Variants in FRMPD4 observed in about 807,000 individuals in gnomAD.
FRMPD4 encodes FERM and PDZ domain-containing protein 4.
A neutral mutation model predicts 94.1 loss-of-function variants in FRMPD4; 22 were observed. That is an observed-to-expected ratio of 0.23 (90% CI 0.17 to 0.33). The LOEUF (loss-of-function observed/expected upper bound fraction) is 0.33. Ranked by LOEUF, FRMPD4 falls within the 10% of genes least tolerant of loss-of-function variation. The pLI, the probability that FRMPD4 is intolerant of heterozygous loss-of-function variation, is 1.00. For synonymous variants in FRMPD4, 631 were observed against 548.6 expected, an observed-to-expected ratio of 1.15 and a Z score of -2.10; for missense variants, 1,111 against 1,339.9, an observed-to-expected ratio of 0.83 and a Z score of 2.67.
chrX:12,494,523 T>C (rs1280206808), intron 1 of FRMPD4, among the ~76,000 whole-genome samples: 3 of 111,656 alleles, frequency 2.7e-5, no homozygotes, highest in Non-Finnish European at 5.6e-5. Flanking sequence ...TGACCTCACA[T>C]TCCTTCTCCC....
rs142414620 is a variant in FRMPD4 at position 12,486,630 on chromosome X, G to A, written c.42-12050G>A. ...TGCTCTTTGTAAATAAATGTCTTCC[G>A]TACTGTGGAAATCATTATTCCATGA... On this transcript the variant is annotated intron_variant, in intron 1 of 16. Transcript: ENST00000675598. Among the ~76,000 whole-genome samples, 442 of 112,460 alleles carry A rather than the reference G, an allele frequency of 3.9e-3. 1 individual carries two copies. Among genetic ancestry groups the A allele is most frequent in the Non-Finnish European group, 5.9e-3 (312 of 53,280 alleles).
chrX:12,291,758 A>G (rs761227264), intron 1 of FRMPD4, among the ~76,000 whole-genome samples: 1 of 111,319 alleles, frequency 9.0e-6, no homozygotes, highest in South Asian at 3.9e-4. Flanking sequence ...GTGTATCCCA[A>G]ATCTGGTCTC....
chrX:12,349,610 T>A (rs1221883998), intron 1 of FRMPD4, among the ~76,000 whole-genome samples: 3 of 110,877 alleles, frequency 2.7e-5, no homozygotes, highest in African/African-American at 1.0e-4. Flanking sequence ...AAAACCTTGA[T>A]TGTGAGATCT....
intron 1 of FRMPD4, among the ~76,000 whole-genome samples, chrX:12,158,499 C>T (rs2147612989): frequency 8.9e-6 from 1 of 112,104 alleles, no homozygotes; most frequent in Non-Finnish European, 1.9e-5. Flanking sequence ...ACACAACTAC[C>T]AAGTTCAAGA....
At chrX:12,302,448 C>T (rs1323004683) in intron 1 of FRMPD4, among the ~76,000 whole-genome samples, 1 of 111,723 alleles carries the variant, frequency 9.0e-6, no homozygotes, top group African/African-American at 3.3e-5. Flanking sequence ...ATATAGCATA[C>T]AATATCTCAA....
chrX:11,870,618 C>A (rs1404962094), intron 2 of FRMPD4, among the ~76,000 whole-genome samples: 1 of 111,215 alleles, frequency 9.0e-6, no homozygotes, highest in Non-Finnish European at 1.9e-5. Flanking sequence ...GCCCAGATAC[C>A]CACTCCCAAC....
At chrX:12,322,403 A>G (rs1005897199) in intron 1 of FRMPD4, among the ~76,000 whole-genome samples, 2 of 111,231 alleles carry the variant, frequency 1.8e-5, no homozygotes, top group Non-Finnish European at 3.8e-5. Context: ...GAGTGGATAT[A>G]TGGAGAGGGG....
intron 1 of FRMPD4, among the ~76,000 whole-genome samples, chrX:11,858,262 T>C (rs747463279): frequency 1.8e-5 from 2 of 111,837 alleles, no homozygotes; most frequent in Non-Finnish European, 3.8e-5. Context: ...TGTATGCTCA[T>C]TGCAGCACTA....
intron 1 of FRMPD4, among the ~76,000 whole-genome samples, chrX:12,275,826 G>T (rs1329514785): frequency 3.6e-5 from 4 of 111,496 alleles, no homozygotes; most frequent in Non-Finnish European, 7.5e-5. Context: ...GACAATGTTA[G>T]GGTGATCTGG....
At chrX:12,127,674 C>T (rs956354555) in intron 3 of FRMPD4, among the ~76,000 whole-genome samples, 1 of 111,970 alleles carries the variant, frequency 8.9e-6, no homozygotes, top group Non-Finnish European at 1.9e-5. Flanking sequence ...ATGTCTTAGC[C>T]CATTCCAGCA....
chrX:11,944,295 G>A (rs2054177398), intron 3 of FRMPD4, among the ~76,000 whole-genome samples: 1 of 112,084 alleles, frequency 8.9e-6, no homozygotes, highest in Admixed American at 9.5e-5. Flanking sequence ...TACCACAGGT[G>A]AGCATGAATA....
chrX:11,997,707 A>G (rs775951597), intron 3 of FRMPD4, among the ~76,000 whole-genome samples: 3 of 111,224 alleles, frequency 2.7e-5, no homozygotes, highest in East Asian at 5.7e-4. Flanking sequence ...GGCCAAGCCA[A>G]TTTGCACAAA....
intron 8 of FRMPD4, 119 bp downstream of exon 8, chrX:12,690,445 C>A: frequency 1.7e-6 from 1 of 593,126 alleles, no homozygotes; most frequent in Non-Finnish European, 2.5e-6. Context: ...TGGGTATCCT[C>A]TGTAAAGGAA....
intron 1 of FRMPD4, among the ~76,000 whole-genome samples, chrX:11,844,351 T>G (rs921112338): frequency 1.8e-5 from 2 of 110,830 alleles, no homozygotes; most frequent in Non-Finnish European, 3.8e-5. Flanking sequence ...ACCCTTATTT[T>G]TGGAGGATTT....
intron 3 of FRMPD4, among the ~76,000 whole-genome samples, chrX:12,098,552 G>C (rs1397378951): frequency 8.9e-6 from 1 of 112,314 alleles, no homozygotes; most frequent in Non-Finnish European, 1.9e-5. Context: ...TTTGTTTGGG[G>C]ACTGAATAAT....
chrX:12,581,045 C>T (rs1335425668), intron 2 of FRMPD4, among the ~76,000 whole-genome samples: 1 of 112,525 alleles, frequency 8.9e-6, no homozygotes, highest in Non-Finnish European at 1.9e-5. Flanking sequence ...TGTATAAACT[C>T]TGCTCAAATC....
chrX:12,537,778 C>A (rs953126239), intron 2 of FRMPD4, among the ~76,000 whole-genome samples: 3 of 110,155 alleles, frequency 2.7e-5, no homozygotes, highest in African/African-American at 9.9e-5. Flanking sequence ...AATATTTATT[C>A]TTTAAGCACG....
chrX:12,262,480 A>G (rs1336014893), intron 1 of FRMPD4, among the ~76,000 whole-genome samples: 2 of 111,362 alleles, frequency 1.8e-5, no homozygotes, highest in East Asian at 2.8e-4. Flanking sequence ...TTGTGGCTTT[A>G]GACGAGGCAC....
intron 2 of FRMPD4, among the ~76,000 whole-genome samples, chrX:12,547,177 C>T (rs774460244): frequency 1.8e-5 from 2 of 111,092 alleles, no homozygotes; most frequent in South Asian, 3.9e-4. Context: ...AATTAAGTCG[C>T]TCCTGCAACG....
Sources: allele counts gnomAD v4.1 joint callset (sites outside exome capture counted in the v4.1 genomes callset), GRCh38; gene constraint gnomAD v4.1.1; transcripts MANE v1.5; gene names NCBI Gene and HGNC (gene_info 2026-07-23, HGNC 2026-07-21).